ISYNA1: variants seen among roughly 807,000 people sequenced by gnomAD.
The protein encoded by ISYNA1 is MI-1-P synthase.
A neutral mutation model predicts 50.3 loss-of-function variants in ISYNA1; 34 were observed. The observed-to-expected ratio is 0.68, with a 90% CI of 0.51 to 0.90. The LOEUF is 0.90. Among genes scored for constraint, ISYNA1 ranks in the 40% least tolerant of loss-of-function variants. The pLI is 0.00. For synonymous variants in ISYNA1, 396 were observed against 349.9 expected (o/e 1.13, Z -1.47); for missense variants, 718 against 784.8 (o/e 0.91, Z 1.02).
rs1448120303 is a variant in ISYNA1 at position 18,436,458 on chromosome 19, T to C, written c.631A>G (p.Ile211Val). 1.9e-6 allele frequency: 3 copies of C among 1,606,500 alleles called. No homozygotes were observed. Among genetic ancestry groups the C allele is most frequent in the Non-Finnish European group, 2.5e-6 (3 of 1,179,858 alleles). Residue 211 changes from isoleucine (I) to valine (V), a missense_variant, in exon 6 of 11, where the codon ATC becomes GTC. Physicochemically the swap from Ile to Val is conservative, Grantham distance 29. Transcript: ENST00000338128. The stretch of plus-strand genomic sequence containing the variant: ...CCCGCGCTAGACCGGAAGTCTCGGA[T>C]GTCCCTGCGGATCTGCTCCAGCTGT... ...AQQLEQIRRDIRDFRSSAGLD... is the reference protein window; with the variant it reads ...AQQLEQIRRDVRDFRSSAGLD...
chr19:18,437,486 C>T (rs1293513165), intron 3 of ISYNA1, 113 bp downstream of exon 3: 4 of 707,616 alleles, frequency 5.7e-6, no homozygotes, highest in Middle Eastern at 5.1e-4. Flanking sequence ...CGCGGAACCC[C>T]ACCCCCTACA....
chr19:18,437,637 G>A lies in ISYNA1; in HGVS notation c.244C>T (p.Arg82Ter). 20 of 1,537,268 alleles carry A rather than the reference G, an allele frequency of 1.3e-5. No individual in the cohort carries two copies. The highest frequency in any genetic ancestry group is 1.7e-5 in the Non-Finnish European group (20 of 1,145,568). The change falls in exon 3 of 11, where the codon CGA becomes TGA. Residue 82 changes from arginine to a stop codon, truncating the protein, a stop_gained. Transcript: ENST00000338128. LOFTEE classifies it high-confidence loss of function. ...CGCGTGGGCCAGGACAAACGCAGTC[G>A]ATTGGCCAGCACCGCGGCGGTGAGT... is the stretch of plus-strand genomic sequence containing the variant. ...STLTAAVLANRLRLSWPTRSG... is the reference protein window; with the variant it reads ...STLTAAVLAN
intron 4 of ISYNA1, 29 bp downstream of exon 4, chr19:18,436,944 G>GCCCCCGGGGGCCCCC: frequency 1.5e-6 from 1 of 682,654 alleles, no homozygotes; most frequent in Non-Finnish European, 2.5e-6. Flanking sequence ...CTCCCATCCC[G>GCCCCCGGGGGCCCCC]CCCCACCCCG....
chr19:18,437,179 T>A (rs535730541), intron 3 of ISYNA1, 74 bp from the exon 4 acceptor site: 1 of 1,492,594 alleles, frequency 6.7e-7, no homozygotes, highest in East Asian at 2.5e-5. Flanking sequence ...GGGCCCCACC[T>A]AGACTCTCAA....
chr19:18,435,670 T>C lies in ISYNA1; in HGVS notation c.1147A>G (p.Ile383Val). The C allele has an allele frequency of 6.2e-7, 1 of 1,611,938 alleles. No individual in the cohort carries two copies. Among genetic ancestry groups the C allele is most frequent in the Non-Finnish European group, 8.5e-7 (1 of 1,179,380 alleles). The change falls in exon 9 of 11, where the codon ATC becomes GTC. Residue 383 changes from isoleucine (I) to valine (V), a missense_variant. By Grantham distance (29) the Ile-to-Val change is conservative (BLOSUM62 3). Coordinates refer to ENST00000338128, the MANE Select transcript of ISYNA1 (RefSeq NM_016368.5). ...PGEEPDHCVV[I>V]KYVPYVGDSK... ...TCACCCACGTACGGCACATACTTGA[T>C]GACCACCTGGAGTGCAGCAGGAGTT... is the stretch of plus-strand genomic sequence containing the variant.
chr19:18,434,974 TTGG>T lies in ISYNA1; in HGVS notation c.1613_1615del (p.Thr538del), dbSNP rs746859151. The T allele has an allele frequency of 6.2e-7, 1 of 1,613,520 alleles. No homozygotes were observed. Among genetic ancestry groups the T allele is most frequent in the South Asian group, 1.1e-5 (1 of 91,082 alleles). On this transcript the variant is annotated inframe_deletion, in exon 11 of 11. Transcript: ENST00000338128. ...CCCATTGGCATCACCGGTGCAGCCA[TTGG>T]TGGCAGCGGGTACCGGTCCTTTCTT...
intron 1 of ISYNA1, 43 bp from the exon 2 acceptor site, chr19:18,438,031 C>A: frequency 6.6e-7 from 1 of 1,510,722 alleles, no homozygotes. Flanking sequence ...GGACTCTAAG[C>A]GGCCGGGGCC....
rs1206894876 is a variant in ISYNA1 at position 18,437,589 on chromosome 19, C to T, written c.282+10G>A. ...AGCCTCCCTACCCACCACGCCCCTCCCGCCCCCACCTTGCGGCCGCTGCGC... is the reference window on the plus strand; with the variant it reads ...AGCCTCCCTACCCACCACGCCCCTCTCGCCCCCACCTTGCGGCCGCTGCGC... On this transcript the variant is annotated intron_variant, in intron 3 of 10. Coordinates refer to ENST00000338128, the MANE Select transcript of ISYNA1 (RefSeq NM_016368.5). 17 of 1,460,718 alleles carry T rather than the reference C, an allele frequency of 1.2e-5. No homozygotes were observed. The highest frequency in any genetic ancestry group is 1.5e-5 in the Non-Finnish European group (17 of 1,107,570). 90.5% of individuals were successfully genotyped at this position (1,460,718 alleles called of 1,614,324 possible).
chr19:18,435,144 G>A, intron 10 of ISYNA1, 27 bp from the exon 11 acceptor site: 1 of 1,610,730 alleles, frequency 6.2e-7, no homozygotes, highest in Non-Finnish European at 8.5e-7. Flanking sequence ...GCTTAGCAGA[G>A]CCAGACACCC....
rs1044089391 is a variant in ISYNA1, at chr19:18,434,819, G to A, written c.*94C>T. Reference sequence around the variant, plus strand: ...CCCAAGAACCCCAGGTGGAAGGAGGGCTGAGTGGCAGCGCCTTTATTTGTG... The same window carrying A: ...CCCAAGAACCCCAGGTGGAAGGAGGACTGAGTGGCAGCGCCTTTATTTGTG... On this transcript the variant is annotated 3_prime_UTR_variant, in exon 11 of 11. Coordinates refer to ENST00000338128, the MANE Select transcript of ISYNA1 (RefSeq NM_016368.5). 56 of 1,063,290 alleles carry A rather than the reference G, an allele frequency of 5.3e-5. No homozygotes were observed. Among genetic ancestry groups the A allele is most frequent in the Non-Finnish European group, 7.0e-5 (49 of 699,218 alleles). The allele number at this position is 1,063,290 out of a possible 1,614,324, so 65.9% of individuals were successfully genotyped here.
Position 18,436,005 on chromosome 19 carries a change from ACTCGGCAG to A in ISYNA1, c.975+19_975+26del. On this transcript the variant is annotated intron_variant, in intron 7 of 10. Transcript: ENST00000338128. ...CTCGCGGCCCAGGCCCCCTTCCTGC[ACTCGGCAG>A]CTCCCTAGGCCCACGCACCTTGAGG... is the stretch of plus-strand genomic sequence containing the variant. The A allele has an allele frequency of 6.2e-7, 1 of 1,612,678 alleles. No individual in the cohort carries two copies.
In ISYNA1 at chr19:18,436,362, C is replaced by T; in HGVS notation, c.727G>A (p.Asp243Asn). 9.9e-6 allele frequency: 16 copies of T among 1,612,576 alleles called. No homozygotes were observed. The highest frequency in any genetic ancestry group is 1.4e-5 in the Non-Finnish European group (16 of 1,179,896). ...GTGCGCAGCAGGTTCTCGGCTGTGT[C>T]GTTGAGGCCTGGAATCACCTCACAG... Reference protein sequence around the residue: ...RFCEVIPGLNDTAENLLRTIE... With the variant: ...RFCEVIPGLNNTAENLLRTIE... Residue 243 changes from aspartate (D) to asparagine (N), a missense_variant, in exon 6 of 11, where the codon GAC (aspartate) becomes AAC (asparagine). This residue lies in a region of ISYNA1 where 403 missense variants were observed against 466.6 expected (regional missense o/e 0.86). Transcript: ENST00000338128.
chr19:18,434,821 T>C lies in ISYNA1; in HGVS notation c.*92A>G. 5 of 1,084,286 alleles carry C rather than the reference T, an allele frequency of 4.6e-6. No individual in the cohort carries two copies. The South Asian group carries it at 5.3e-5, about 11-fold the overall frequency. 67.2% of individuals were successfully genotyped at this position (1,084,286 alleles called of 1,614,324 possible). Reference sequence around the variant, plus strand: ...CAAGAACCCCAGGTGGAAGGAGGGCTGAGTGGCAGCGCCTTTATTTGTGGG... The same window carrying C: ...CAAGAACCCCAGGTGGAAGGAGGGCCGAGTGGCAGCGCCTTTATTTGTGGG... On this transcript the variant is annotated 3_prime_UTR_variant, in exon 11 of 11. Transcript: ENST00000338128.
chr19:18,437,279 G>C (rs1440505811), intron 3 of ISYNA1, 174 bp from the exon 4 acceptor site: 24 of 1,423,180 alleles, frequency 1.7e-5, no homozygotes, highest in Non-Finnish European at 2.2e-5. Context: ...GAGACCTCCG[G>C]CACCTTAAGC....
In ISYNA1 at chr19:18,435,931, C is replaced by T. The variant is rs199974653; in HGVS notation, c.976-10G>A. ...TCACGATGGACATGGTCTGTGGGTA[C>T]AAGGGAAGCCCCAGCAGCTGCAGGC... is the stretch of plus-strand genomic sequence containing the variant. On this transcript the variant is annotated splice_polypyrimidine_tract_variant and intron_variant, in intron 7 of 10. Transcript: ENST00000338128. 279 of 1,613,724 alleles carry T rather than the reference C, an allele frequency of 1.7e-4. 1 individual carries two copies. In the African/African-American group the frequency reaches 3.1e-3, roughly 18 times the overall value.
chr19:18,435,662 ATACT>A lies in ISYNA1; in HGVS notation c.1151_1154del (p.Lys384MetfsTer19). 1 of 1,612,042 alleles carries A rather than the reference ATACT, an allele frequency of 6.2e-7. No homozygotes were observed. ...GCTTGCTGTCACCCACGTACGGCAC[ATACT>A]TGATGACCACCTGGAGTGCAGCAGG... On this transcript the variant is annotated frameshift_variant, in exon 9 of 11. Transcript: ENST00000338128. LOFTEE classifies it high-confidence loss of function.
rs1201278819 is a variant in ISYNA1, at chr19:18,436,172, A to G, written c.835T>C (p.Ser279Pro). 6.2e-7 allele frequency: 1 copy of G among 1,612,062 alleles called. No individual in the cohort carries two copies. The highest frequency in any genetic ancestry group is 8.5e-7 in the Non-Finnish European group (1 of 1,179,984). The stretch of plus-strand genomic sequence containing the variant: ...CCGGGCACCAGGGTGTTCTGCGGAG[A>G]CCCATTGAGGAAGGCACAGCCCTCC... ...ILEGCAFLNGSPQNTLVPGAL... is the reference protein window; with the variant it reads ...ILEGCAFLNGPPQNTLVPGAL... The change falls in exon 7 of 11, where the codon TCT (serine) becomes CCT (proline). Residue 279 changes from serine to proline, a missense_variant. Ser to Pro is a moderately conservative substitution (Grantham distance 74). Coordinates refer to ENST00000338128, the MANE Select transcript of ISYNA1 (RefSeq NM_016368.5).
At position 18,437,852 on chromosome 19, in the gene ISYNA1, T is replaced by C; in HGVS notation, c.120+8A>G. The C allele has an allele frequency of 6.2e-7, 1 of 1,611,414 alleles. No homozygotes were observed. Among genetic ancestry groups the C allele is most frequent in the Non-Finnish European group, 8.5e-7 (1 of 1,179,742 alleles). On this transcript the variant is annotated splice_region_variant and intron_variant, in intron 2 of 10. Transcript: ENST00000338128. ...CAGCACGCCTCCTTCCTCAGCCCCC[T>C]GGTCCACCTTGAGAACGCCACCCTC...
rs550821314 is a variant in ISYNA1 at position 18,435,554 on chromosome 19, G to A, written c.1254+9C>T. ...GCCTCCCATAGCAGCCCCTGAAGCC[G>A]CGCCGCACCTCACACGTGTTGTGCA... On this transcript the variant is annotated intron_variant, in intron 9 of 10. Transcript: ENST00000338128. 1 of 1,603,320 alleles carries A rather than the reference G, an allele frequency of 6.2e-7. No individual in the cohort carries two copies.
Sources: gnomAD v4.1 joint callset for allele counts on GRCh38, gnomAD v4.1.1 for gene constraint, gnomAD v4.1.1 regional missense constraint, MANE v1.5 for transcripts, NCBI Gene and HGNC (gene_info 2026-07-23, HGNC 2026-07-21) for gene names.